Variants in NCKAP5 observed in about 807,000 individuals in gnomAD.
NCKAP5 encodes nck-associated protein 5.
In NCKAP5, 92 loss-of-function variants were observed where a neutral mutation model predicts 167.0. The observed-to-expected ratio is 0.55, with a 90% CI of 0.47 to 0.66. NCKAP5 has a LOEUF of 0.66. Ranked by LOEUF, NCKAP5 falls within the 30% of genes least tolerant of loss-of-function variation. The pLI is 0.00. For missense variants in NCKAP5, 2,378 were observed against 2,315.0 expected (o/e 1.03, Z -0.56); for synonymous variants, 891 against 877.4 (o/e 1.02, Z -0.27).
At chr2:133,637,476 C>CAAAAAAAAAAAAAAAA in the NCKAP5 span, among the ~76,000 whole-genome samples, 33 of 31,666 alleles carry the variant, frequency 1.0e-3, 1 homozygote, top group East Asian at 0.013. Flanking sequence ...TGGTATTTTC[C>CAAAAAAAAAAAAAAAA]AAAAAAAAAA....
intron 19 of NCKAP5, among the ~76,000 whole-genome samples, chr2:132,724,564 G>A (rs1031792527): frequency 2.0e-5 from 3 of 152,010 alleles, no homozygotes; most frequent in African/African-American, 4.8e-5. Context: ...TTCATTGGGC[G>A]AGCTCCATGA....
intron 6 of NCKAP5, among the ~76,000 whole-genome samples, chr2:133,070,774 C>T (rs1296727798): frequency 1.3e-5 from 2 of 151,968 alleles, no homozygotes; most frequent in Non-Finnish European, 2.9e-5. Flanking sequence ...TGTGTATCCT[C>T]CTATATAGAG....
chr2:133,287,784 G>T (rs1465635228), intron 4 of NCKAP5, among the ~76,000 whole-genome samples: 1 of 152,208 alleles, frequency 6.6e-6, no homozygotes, highest in Middle Eastern at 3.2e-3. Flanking sequence ...AGGTAGGGAG[G>T]CAGGAAACTT....
chr2:132,871,334 A>G (rs560272187), intron 9 of NCKAP5, among the ~76,000 whole-genome samples: 398 of 148,572 alleles, frequency 2.7e-3, no homozygotes, highest in Non-Finnish European at 4.1e-3. Context: ...AAACAAAACA[A>G]AACAGAAGAA....
At chr2:132,735,676 T>G (rs1386563496) in intron 16 of NCKAP5, among the ~76,000 whole-genome samples, 2 of 152,212 alleles carry the variant, frequency 1.3e-5, no homozygotes, top group Non-Finnish European at 1.5e-5. Context: ...CTTCTATGTA[T>G]TATAAGGCAC....
chr2:133,238,198 C>G (rs181285361), intron 4 of NCKAP5, among the ~76,000 whole-genome samples: 10 of 152,250 alleles, frequency 6.6e-5, no homozygotes, highest in Non-Finnish European at 1.5e-4. Flanking sequence ...TTCTTACCTC[C>G]CCCTCTACTT....
intron 1 of NCKAP5, among the ~76,000 whole-genome samples, chr2:133,559,337 G>T (rs530866476): frequency 1.3e-5 from 2 of 152,060 alleles, no homozygotes; most frequent in Admixed American, 1.3e-4. Flanking sequence ...GGGCAAAATC[G>T]CTGCTGATTT....
chr2:133,654,316 T>C, the NCKAP5 span, among the ~76,000 whole-genome samples: 3 of 152,096 alleles, frequency 2.0e-5, no homozygotes, highest in Non-Finnish European at 2.9e-5. Context: ...AGGCTGAGAT[T>C]GCAGTGAGCC....
chr2:132,699,503 T>C (rs1319144281), intron 19 of NCKAP5, among the ~76,000 whole-genome samples: 2 of 145,864 alleles, frequency 1.4e-5, no homozygotes, highest in Admixed American at 6.9e-5. Context: ...CGACAGGCCC[T>C]GGTGTGTGAT....
intron 19 of NCKAP5, among the ~76,000 whole-genome samples, chr2:132,697,558 C>A (rs1185819204): frequency 1.3e-5 from 2 of 151,238 alleles, no homozygotes; most frequent in African/African-American, 2.4e-5. Context: ...TTCTGTTGAG[C>A]CTTTGTGACC....
At chr2:132,920,699 A>T (rs1396877643) in intron 8 of NCKAP5, among the ~76,000 whole-genome samples, 2 of 124,646 alleles carry the variant, frequency 1.6e-5, no homozygotes, top group East Asian at 2.1e-4. Context: ...ATATATATAT[A>T]TACGTATATG....
chr2:133,322,626 T>G (rs116792913), intron 3 of NCKAP5, among the ~76,000 whole-genome samples: 1,718 of 152,324 alleles, frequency 0.011, 30 homozygotes, highest in African/African-American at 0.039. Context: ...AAAATTATCT[T>G]TCTAGTAATT....
At chr2:133,430,297 CA>C (rs888442306) in intron 3 of NCKAP5, among the ~76,000 whole-genome samples, 6 of 152,030 alleles carry the variant, frequency 3.9e-5, no homozygotes, top group African/African-American at 1.4e-4. Flanking sequence ...GCATAGTTTG[CA>C]AATATTTTCT....
chr2:133,363,643 A>G (rs144620755), intron 3 of NCKAP5, among the ~76,000 whole-genome samples: 287 of 152,292 alleles, frequency 1.9e-3, no homozygotes, highest in African/African-American at 5.9e-3. Context: ...GAGATAAGGC[A>G]TGTCTTATGA....
At chr2:133,536,303 T>C (rs1685762248) in intron 2 of NCKAP5, among the ~76,000 whole-genome samples, 1 of 152,138 alleles carries the variant, frequency 6.6e-6, no homozygotes, top group East Asian at 1.9e-4. Context: ...CATCTTGAGT[T>C]AATTTTTATA....
rs1683819283 is a variant in NCKAP5 at position 132,672,083 on chromosome 2, G to T, written c.*1206C>A. On this transcript the variant is annotated 3_prime_UTR_variant, in exon 20 of 20. Transcript: ENST00000409261. ...AAAAATACACATAACCTTTAAAATA[G>T]AATTTATCCTTACATATAAACAGTC... 1 of 152,276 alleles carries T rather than the reference G, an allele frequency of 6.6e-6. No individual in the cohort carries two copies. Among genetic ancestry groups the T allele is most frequent in the Admixed American group, 6.6e-5 (1 of 15,248 alleles). The allele number at this position is 152,276 out of a possible 1,614,324, so 9.4% of individuals were successfully genotyped here. A position where few individuals can be genotyped will look rare whatever the true frequency, so the allele number is the denominator to read the frequency against.
At chr2:132,905,370 G>A (rs750741606) in intron 8 of NCKAP5, among the ~76,000 whole-genome samples, 11 of 152,018 alleles carry the variant, frequency 7.2e-5, no homozygotes, top group Admixed American at 3.3e-4. Flanking sequence ...AGTTCACATC[G>A]TTTCAATATA....
At chr2:133,075,926 G>C (rs546345621) in intron 6 of NCKAP5, among the ~76,000 whole-genome samples, 1 of 152,032 alleles carries the variant, frequency 6.6e-6, no homozygotes, top group Non-Finnish European at 1.5e-5. Context: ...GGATTAGAGA[G>C]TAAAAACAAG....
chr2:133,208,605 C>A (rs1836216), intron 5 of NCKAP5, among the ~76,000 whole-genome samples: 1 of 151,916 alleles, frequency 6.6e-6, no homozygotes, highest in Admixed American at 6.6e-5. Context: ...AAATTTAATG[C>A]GTTTCTTGGA....
Sources: gnomAD v4.1 joint callset for allele counts (sites outside exome capture counted in the v4.1 genomes callset) on GRCh38, gnomAD v4.1.1 for gene constraint, MANE v1.5 for transcripts, NCBI Gene and HGNC (gene_info 2026-07-23, HGNC 2026-07-21) for gene names.